Variants in KDM4C observed in about 807,000 individuals in gnomAD.
KDM4C encodes the protein lysine demethylase 4C, also known as lysine-specific demethylase 4C.
KDM4C carries 81 observed loss-of-function variants against 129.3 expected under a neutral mutation model. The observed-to-expected ratio is 0.63, with a 90% CI of 0.52 to 0.75. The LOEUF (loss-of-function observed/expected upper bound fraction) is 0.75. Ranked by LOEUF, KDM4C falls within the 30% of genes least tolerant of loss-of-function variation. KDM4C has a pLI of 0.00. For missense variants in KDM4C, 1,457 were observed against 1,304.0 expected (o/e 1.12, Z -1.81); for synonymous variants, 573 against 456.1 (o/e 1.26, Z -3.26).
chr9:6,970,454 G>C (rs899574468), intron 8 of KDM4C, among the ~76,000 whole-genome samples: 2 of 152,214 alleles, frequency 1.3e-5, no homozygotes, highest in Non-Finnish European at 2.9e-5. Flanking sequence ...TGTAGCACAA[G>C]TATTAAATTT....
At chr9:6,821,300 T>G (rs1028332081) in intron 4 of KDM4C, among the ~76,000 whole-genome samples, 2 of 152,226 alleles carry the variant, frequency 1.3e-5, no homozygotes, top group Non-Finnish European at 2.9e-5. Context: ...CACCACACTG[T>G]CTTCCACAGT....
chr9:7,085,607 G>A (rs1835019881), intron 17 of KDM4C, among the ~76,000 whole-genome samples: 1 of 152,144 alleles, frequency 6.6e-6, no homozygotes, highest in Non-Finnish European at 1.5e-5. Context: ...AGGAAGGCTG[G>A]TGTTTAGGTT....
In KDM4C at chr9:6,832,339, C is replaced by CA. The variant is rs1182461387; in HGVS notation, c.436-17155dup. Among the ~76,000 whole-genome samples, 424 of 88,438 alleles carry CA rather than the reference C, an allele frequency of 4.8e-3. 1 individual carries two copies. The highest frequency in any genetic ancestry group is 0.011 in the African/African-American group (266 of 23,344). 58.0% of individuals were successfully genotyped at this position (88,438 alleles called of 152,430 possible). ...TGGGCGACAGAGTGAGACTCCGTCT[C>CA]AAAAAAAAAAAAAGTTGAATTTGTC... On this transcript the variant is annotated intron_variant, in intron 4 of 21. Coordinates refer to ENST00000381309, the MANE Select transcript of KDM4C (RefSeq NM_015061.6).
chr9:7,111,391 C>T (rs192956033), intron 18 of KDM4C, among the ~76,000 whole-genome samples: 2 of 152,182 alleles, frequency 1.3e-5, no homozygotes, highest in Admixed American at 1.3e-4. Flanking sequence ...CTCTGAAATT[C>T]GAAAAATTCT....
chr9:6,887,608 G>A (rs1427129837), intron 6 of KDM4C, among the ~76,000 whole-genome samples: 2 of 152,224 alleles, frequency 1.3e-5, no homozygotes, highest in South Asian at 2.1e-4. Flanking sequence ...AGCATCCCAC[G>A]TATTTATCTT....
chr9:6,873,931 TGAGAGAGAGC>T (rs1843167732), intron 5 of KDM4C, among the ~76,000 whole-genome samples: 1 of 105,928 alleles, frequency 9.4e-6, no homozygotes, highest in Non-Finnish European at 2.1e-5. Flanking sequence ...AGAGAGAGAG[TGAGAGAGAGC>T]GAGAGAGAGA....
At chr9:7,152,009 A>G (rs887903818) in intron 19 of KDM4C, among the ~76,000 whole-genome samples, 3 of 152,246 alleles carry the variant, frequency 2.0e-5, no homozygotes, top group African/African-American at 7.2e-5. Context: ...CACCCTGCTG[A>G]GCATGAGATT....
chr9:6,833,997 G>A (rs1373181891), intron 4 of KDM4C, among the ~76,000 whole-genome samples: 1 of 150,352 alleles, frequency 6.7e-6, no homozygotes, highest in African/African-American at 2.5e-5. Context: ...GCCGTGTGTG[G>A]TGCCAGGACA....
chr9:7,171,827 G>GA (rs1442673557), intron 21 of KDM4C, among the ~76,000 whole-genome samples: 1 of 151,096 alleles, frequency 6.6e-6, no homozygotes, highest in Non-Finnish European at 1.5e-5. Flanking sequence ...TTTATTCTCT[G>GA]AAAAAATTTT....
chr9:6,935,436 A>G (rs1429941003), intron 8 of KDM4C, among the ~76,000 whole-genome samples: 6 of 150,450 alleles, frequency 4.0e-5, no homozygotes, highest in African/African-American at 1.5e-4. Context: ...TTTTTTTTTG[A>G]GATGGAGTCT....
intron 4 of KDM4C, among the ~76,000 whole-genome samples, chr9:6,823,870 C>A (rs1833445452): frequency 6.6e-6 from 1 of 152,250 alleles, no homozygotes; most frequent in Non-Finnish European, 1.5e-5. Flanking sequence ...TCGTAGGCTT[C>A]TGTAGGTCTC....
intron 18 of KDM4C, among the ~76,000 whole-genome samples, chr9:7,104,757 A>G (rs1252373589): frequency 1.3e-5 from 2 of 152,216 alleles, no homozygotes; most frequent in Non-Finnish European, 1.5e-5. Context: ...AGACTTGGCC[A>G]CAGGCTATTA....
chr9:7,015,865 T>C lies in KDM4C; in HGVS notation c.2195T>C (p.Ile732Thr). 3 of 1,611,192 alleles carry C rather than the reference T, an allele frequency of 1.9e-6. No homozygotes were observed. The highest frequency in any genetic ancestry group is 2.5e-6 in the Non-Finnish European group (3 of 1,177,524). ...TATTATTTTATAGGTTGTTATGGTA[T>C]TCCTTCTCATGAGATCTGTGATGGA... is the stretch of plus-strand genomic sequence containing the variant. Reference protein sequence around the residue: ...CVRVHASCYGIPSHEICDGWL... With the variant: ...CVRVHASCYGTPSHEICDGWL... The change falls in exon 15 of 22, where the codon ATT (isoleucine) becomes ACT (threonine). Residue 732 changes from isoleucine to threonine, a missense_variant. Ile to Thr is a moderately conservative substitution (Grantham distance 89, BLOSUM62 -1). Coordinates refer to ENST00000381309, the MANE Select transcript of KDM4C (RefSeq NM_015061.6).
chr9:7,032,386 C>G (rs1375772815), intron 15 of KDM4C, among the ~76,000 whole-genome samples: 2 of 152,144 alleles, frequency 1.3e-5, no homozygotes, highest in East Asian at 3.8e-4. Flanking sequence ...TCCAACCTCC[C>G]AAATAAAAAT....
At chr9:6,924,617 A>G (rs1395863888) in intron 8 of KDM4C, 2 of 351,386 alleles carry the variant, frequency 5.7e-6, no homozygotes, top group Non-Finnish European at 8.0e-6. Context: ...TGCCCACGCC[A>G]ATTCAGTCCC....
rs1373297362 is a variant in KDM4C at position 7,013,966 on chromosome 9, T to C, written c.2147T>C (p.Ile716Thr). 2.5e-6 allele frequency: 4 copies of C among 1,613,968 alleles called. No individual in the cohort carries two copies. Among genetic ancestry groups the C allele is most frequent in the Non-Finnish European group, 3.4e-6 (4 of 1,179,882 alleles). The change falls in exon 14 of 22, where the codon ATT (isoleucine) becomes ACT (threonine). Residue 716 changes from isoleucine (I) to threonine (T), a missense_variant. By Grantham distance (89) the Ile-to-Thr change is moderately conservative. Transcript: ENST00000381309. ...GAAGAGGATGGAACAAGTCTCCTTA[T>C]TTCCTGTGCAAAGTGCTGCGTACGG... ...FLEEDGTSLL[I>T]SCAKCCVRVH...
intron 17 of KDM4C, among the ~76,000 whole-genome samples, chr9:7,098,288 A>C (rs1049459592): frequency 2.0e-5 from 3 of 151,966 alleles, no homozygotes; most frequent in Non-Finnish European, 2.9e-5. Flanking sequence ...AGCTCATCCC[A>C]CTGGCCTTTC....
chr9:7,158,012 A>C (rs1192463248), intron 19 of KDM4C, among the ~76,000 whole-genome samples: 5 of 152,098 alleles, frequency 3.3e-5, no homozygotes, highest in African/African-American at 1.2e-4. Context: ...GTAGGCTATT[A>C]ATTATTGCCC....
chr9:6,741,676 C>CTTTTTTTTTTTTTTTTT (rs71315557), intron 1 of KDM4C, among the ~76,000 whole-genome samples: 1 of 94,096 alleles, frequency 1.1e-5, no homozygotes, highest in Admixed American at 1.1e-4. Flanking sequence ...GGTGGCAGCT[C>CTTTTTTTTTTTTTTTTT]TTTTTTTTTT....
Sources: gnomAD v4.1 joint callset for allele counts (sites outside exome capture counted in the v4.1 genomes callset) on GRCh38, gnomAD v4.1.1 for gene constraint, MANE v1.5 for transcripts, NCBI Gene and HGNC (gene_info 2026-07-23, HGNC 2026-07-21) for gene names.